EEFSEC: variants seen among roughly 807,000 people sequenced by gnomAD.
EEFSEC encodes eukaryotic elongation factor, selenocysteine-tRNA specific, also known as selenocysteine-specific elongation factor.
EEFSEC carries 43 observed loss-of-function variants against 42.1 expected under a neutral mutation model. The ratio of observed to expected loss-of-function variants is 1.02; its 90% CI spans 0.80 to 1.32. The LOEUF is 1.32. EEFSEC is among the 40% of genes most tolerant of loss of function. The pLI, the probability that EEFSEC is intolerant of heterozygous loss-of-function variation, is 0.00. For synonymous variants in EEFSEC, 354 were observed against 339.1 expected, an observed-to-expected ratio of 1.04 and a Z score of -0.48; for missense variants, 745 against 803.6, an observed-to-expected ratio of 0.93 and a Z score of 0.88.
At chr3:128,229,930 G>A (rs2065943132) in intron 1 of EEFSEC, among the ~76,000 whole-genome samples, 2 of 152,068 alleles carry the variant, frequency 1.3e-5, no homozygotes, top group African/African-American at 4.8e-5. Flanking sequence ...CATGTGAGGT[G>A]CCCACCAGCC....
downstream of EEFSEC, among the ~76,000 whole-genome samples, chr3:128,411,022 T>C (rs977757087): frequency 4.6e-5 from 7 of 152,176 alleles, no homozygotes; most frequent in Non-Finnish European, 7.4e-5. Context: ...CTGTGTGGCC[T>C]GAAAACGCCC....
At chr3:128,326,845 T>C (rs1199383430) in intron 4 of EEFSEC, among the ~76,000 whole-genome samples, 1 of 152,204 alleles carries the variant, frequency 6.6e-6, no homozygotes, top group Non-Finnish European at 1.5e-5. Context: ...AAAGGAGGCC[T>C]GTTGCATCAC....
At chr3:128,287,362 C>T (rs951631136) in intron 4 of EEFSEC, among the ~76,000 whole-genome samples, 3 of 152,124 alleles carry the variant, frequency 2.0e-5, no homozygotes, top group Non-Finnish European at 4.4e-5. Flanking sequence ...TCTGGGGGCC[C>T]TGGGAAGTGG....
intron 4 of EEFSEC, among the ~76,000 whole-genome samples, chr3:128,273,128 G>A (rs2066431859): frequency 6.6e-6 from 1 of 152,138 alleles, no homozygotes; most frequent in African/African-American, 2.4e-5. Context: ...TTCTTTAATG[G>A]GCCTTTTTAC....
intron 1 of EEFSEC, among the ~76,000 whole-genome samples, chr3:128,209,337 G>T (rs1027605950): frequency 1.3e-5 from 2 of 152,208 alleles, no homozygotes; most frequent in Non-Finnish European, 2.9e-5. Flanking sequence ...GAGGCATGAA[G>T]CTTTGAAAGA....
chr3:128,186,334 G>A (rs1302745881), intron 1 of EEFSEC, among the ~76,000 whole-genome samples: 1 of 152,174 alleles, frequency 6.6e-6, no homozygotes, highest in Non-Finnish European at 1.5e-5. Context: ...TTCCTTATCA[G>A]ATATATGATT....
At chr3:128,200,733 C>T (rs1304376945) in intron 1 of EEFSEC, among the ~76,000 whole-genome samples, 1 of 152,192 alleles carries the variant, frequency 6.6e-6, no homozygotes, top group Non-Finnish European at 1.5e-5. Context: ...ATGCAGGTTT[C>T]CCGCAGAACA....
At chr3:128,324,152 C>T (rs1385899002) in intron 4 of EEFSEC, among the ~76,000 whole-genome samples, 1 of 152,210 alleles carries the variant, frequency 6.6e-6, no homozygotes, top group Non-Finnish European at 1.5e-5. Flanking sequence ...TGCCCCAGGG[C>T]TGAATGCCGA....
At chr3:128,224,145 C>A (rs2107852778) in intron 1 of EEFSEC, among the ~76,000 whole-genome samples, 1 of 152,230 alleles carries the variant, frequency 6.6e-6, no homozygotes, top group East Asian at 1.9e-4. Flanking sequence ...TTCAATGAAC[C>A]TGCTTAAGCC....
At chr3:128,313,960 C>A (rs1440385952) in intron 4 of EEFSEC, among the ~76,000 whole-genome samples, 2 of 152,270 alleles carry the variant, frequency 1.3e-5, no homozygotes, top group South Asian at 2.1e-4. Context: ...TGTATCTCCC[C>A]CTGTTTCTTA....
intron 4 of EEFSEC, among the ~76,000 whole-genome samples, chr3:128,333,042 T>G (rs571667596): frequency 6.6e-6 from 1 of 152,330 alleles, no homozygotes; most frequent in South Asian, 2.1e-4. Context: ...AGCTTATTAG[T>G]GTCAAACCTT....
intron 4 of EEFSEC, among the ~76,000 whole-genome samples, chr3:128,273,097 T>C (rs1197197282): frequency 6.6e-6 from 1 of 152,186 alleles, no homozygotes; most frequent in Non-Finnish European, 1.5e-5. Context: ...CACCACCCTG[T>C]ACAACTCTGC....
intron 6 of EEFSEC, among the ~76,000 whole-genome samples, chr3:128,370,756 G>A (rs768363237): frequency 1.2e-4 from 19 of 152,362 alleles, no homozygotes; most frequent in South Asian, 2.1e-4. Context: ...CACCGTTTGG[G>A]TGGAGATGTT....
chr3:128,212,412 G>C (rs1289204970), intron 1 of EEFSEC, among the ~76,000 whole-genome samples: 1 of 152,196 alleles, frequency 6.6e-6, no homozygotes, highest in East Asian at 1.9e-4. Flanking sequence ...CTGGGCCTCT[G>C]CTTCACAGAA....
At chr3:128,334,783 G>A (rs1041451484) in intron 4 of EEFSEC, among the ~76,000 whole-genome samples, 11 of 152,248 alleles carry the variant, frequency 7.2e-5, no homozygotes, top group African/African-American at 2.4e-4. Context: ...AAGGATGTGA[G>A]GGAGAGCCTC....
chr3:128,379,459 G>T (rs529279515), intron 6 of EEFSEC, among the ~76,000 whole-genome samples: 2 of 152,172 alleles, frequency 1.3e-5, no homozygotes, highest in African/African-American at 4.8e-5. Context: ...ATAATTAAAA[G>T]AATTTTACAA....
chr3:128,333,890 A>G (rs973682048), intron 4 of EEFSEC, among the ~76,000 whole-genome samples: 4 of 152,234 alleles, frequency 2.6e-5, no homozygotes, highest in African/African-American at 4.8e-5. Context: ...GAAAAGCCAG[A>G]AGGAGTATCG....
intron 1 of EEFSEC, among the ~76,000 whole-genome samples, chr3:128,204,549 T>G (rs2065673201): frequency 6.6e-6 from 1 of 152,194 alleles, no homozygotes; most frequent in Admixed American, 6.5e-5. Context: ...TCACAGTGTC[T>G]AACTACTCTG....
At chr3:128,411,650 C>T (rs1438147832), downstream of EEFSEC, among the ~76,000 whole-genome samples, 1 of 152,142 alleles carries the variant, frequency 6.6e-6, no homozygotes, top group African/African-American at 2.4e-5. Flanking sequence ...GCAGGAGGGG[C>T]AGCGGTGATT....
Sources: allele counts gnomAD v4.1 joint callset (sites outside exome capture counted in the v4.1 genomes callset), GRCh38; gene constraint gnomAD v4.1.1; transcripts MANE v1.5; gene names NCBI Gene and HGNC (gene_info 2026-07-23, HGNC 2026-07-21).